CES2: variants seen among roughly 807,000 people sequenced by gnomAD.
CES2 encodes cocaine esterase.
Under a neutral mutation model 52.1 loss-of-function variants are expected in CES2, and 42 were observed. The observed-to-expected ratio is 0.81, with a 90% CI of 0.63 to 1.04. The LOEUF is 1.04. Ranked by LOEUF, CES2 falls within the 50% of genes least tolerant of loss-of-function variation. The pLI is 0.00. For synonymous variants in CES2, 277 were observed against 289.6 expected (o/e 0.96, Z 0.44); for missense variants, 656 against 724.3 (o/e 0.91, Z 1.08).
In CES2 at chr16:66,938,235, C is replaced by G. The variant is rs757548111; in HGVS notation, c.275C>G (p.Pro92Arg). ...GGTGTGAGGGATGGAACCACCCATC[C>G]GGCCATGTAAGCTCTCCAAGGGGTC... ...WSGVRDGTTH[P>R]AMCLQDLTAV... The change falls in exon 2 of 12, where the codon CCG becomes CGG. Residue 92 changes from proline (P) to arginine (R), a missense_variant. Pro to Arg is a moderately radical substitution (Grantham distance 103). Transcript: ENST00000317091. 6 of 1,612,900 alleles carry G rather than the reference C, an allele frequency of 3.7e-6. No homozygotes were observed. In the East Asian group the frequency reaches 1.3e-4, roughly 36 times the overall value.
intron 2 of CES2, 31 bp downstream of exon 2, chr16:66,938,272 AG>A: frequency 6.6e-7 from 1 of 1,521,114 alleles, no homozygotes; most frequent in Non-Finnish European, 9.1e-7. Flanking sequence ...AGGGAACTCC[AG>A]GCCCTGGGGC....
At chr16:66,938,297 C>T in intron 2 of CES2, 56 bp downstream of exon 2, 1 of 1,260,730 alleles carries the variant, frequency 7.9e-7, no homozygotes, top group Non-Finnish European at 1.2e-6. Flanking sequence ...GGTGGGGGTG[C>T]TCTGAGCTCA....
Position 66,939,324 on chromosome 16 carries a change from C to T in CES2, c.389C>T (p.Thr130Met), listed in dbSNP as rs372531792. ...GACTGCCTGTACCTCAGCATCTACACGCCGGCCCATAGCCATGAAGGCTCT... is the reference window on the plus strand; with the variant it reads ...GACTGCCTGTACCTCAGCATCTACATGCCGGCCCATAGCCATGAAGGCTCT... ...SEDCLYLSIY[T>M]PAHSHEGSNL... Residue 130 changes from threonine to methionine, a missense_variant, in exon 3 of 12, where the codon ACG becomes ATG. By Grantham distance (81) the Thr-to-Met change is moderately conservative. Coordinates refer to ENST00000317091, the MANE Select transcript of CES2 (RefSeq NM_001365405.1). 10 of 1,614,054 alleles carry T rather than the reference C, an allele frequency of 6.2e-6. No homozygotes were observed. The highest frequency in any genetic ancestry group is 2.2e-5 in the South Asian group (2 of 91,088).
Position 66,942,755 on chromosome 16 carries a change from G to C in CES2, c.1390G>C (p.Val464Leu). 1 of 1,614,230 alleles carries C rather than the reference G, an allele frequency of 6.2e-7. No individual in the cohort carries two copies. The highest frequency in any genetic ancestry group is 1.1e-5 in the South Asian group (1 of 91,088). ...AGACCATGGTGATGAGCTTCCTTTT[G>C]TTTTCAGAAGTTTCTTTGGGGGCAA... ...KADHGDELPF[V>L]FRSFFGGNYI... The change falls in exon 10 of 12, where the codon GTT (valine) becomes CTT (leucine). Residue 464 changes from valine (V) to leucine (L), a missense_variant. Coordinates refer to ENST00000317091, the MANE Select transcript of CES2 (RefSeq NM_001365405.1).
At chr16:66,941,031 ATTTGG>A in intron 5 of CES2, 88 bp from the exon 6 acceptor site, 2 of 1,548,620 alleles carry the variant, frequency 1.3e-6, no homozygotes, top group Non-Finnish European at 1.8e-6. Flanking sequence ...ACCCTCTGAG[ATTTGG>A]GGTACCCCTG....
chr16:66,940,884 G>T (rs995772532), intron 5 of CES2, among the ~76,000 whole-genome samples, 189 bp downstream of exon 5: 3 of 152,228 alleles, frequency 2.0e-5, no homozygotes, highest in Non-Finnish European at 4.4e-5. Context: ...GGCCGAGCTT[G>T]TTCTGTGGCT....
At chr16:66,934,909 G>A (rs1331767619), upstream of CES2, 2 of 159,816 alleles carry the variant, frequency 1.3e-5, no homozygotes, top group Non-Finnish European at 2.7e-5. The surrounding 1 kb of genome is among the most constrained non-coding windows in gnomAD (Gnocchi z 4.1). Flanking sequence ...TGGTCTCCGC[G>A]GGAGGTGAGG....
chr16:66,943,657 C>T lies in CES2; in HGVS notation c.1494-182C>T, dbSNP rs949745017. On this transcript the variant is annotated intron_variant, in intron 11 of 11. Transcript: ENST00000317091. The surrounding 1 kb of genome is among the most constrained non-coding windows in gnomAD (Gnocchi z 4.2). ...GAGCTGGCTGCCCTCCCCCAACCCC[C>T]ACTGGTGCTGACACTAGCCAGAGGG... is the stretch of plus-strand genomic sequence containing the variant. 1.2e-5 allele frequency: 7 copies of T among 590,220 alleles called. No homozygotes were observed. Among genetic ancestry groups the T allele is most frequent in the Admixed American group, 3.1e-5 (1 of 32,224 alleles). 36.6% of individuals were successfully genotyped at this position (590,220 alleles called of 1,614,324 possible). A position where few individuals can be genotyped will look rare whatever the true frequency, so the allele number is the denominator to read the frequency against.
intron 10 of CES2, 126 bp downstream of exon 10, chr16:66,942,911 A>G (rs1461842067): frequency 1.3e-6 from 2 of 1,492,270 alleles, no homozygotes; most frequent in Non-Finnish European, 1.8e-6. Context: ...TCAGGTGTCC[A>G]AGGTTTTATA....
At chr16:66,940,731 C>T in intron 5 of CES2, 36 bp downstream of exon 5, 2 of 1,600,636 alleles carry the variant, frequency 1.2e-6, no homozygotes, top group Non-Finnish European at 1.7e-6. Context: ...TAGGCCTGCT[C>T]CCTCCCCTCA....
chr16:66,942,658 C>T lies in CES2; in HGVS notation c.1293C>T (p.Ala431=), dbSNP rs773146365. 1.2e-6 allele frequency: 2 copies of T among 1,614,188 alleles called. No homozygotes were observed. Among genetic ancestry groups the T allele is most frequent in the Admixed American group, 1.7e-5 (1 of 60,024 alleles). Residue 431 remains alanine (A), a synonymous_variant, in exon 10 of 12, where the codon GCC becomes GCT. Coordinates refer to ENST00000317091, the MANE Select transcript of CES2 (RefSeq NM_001365405.1). ...CTGTCCACCCCACAGGTTCCCGGGC[C>T]CCTGTGTACTTCTACGAGTTCCAGC... ...LQVAHFQCSR[A]PVYFYEFQHQ...
Position 66,943,174 on chromosome 16 carries a change from G to A in CES2, c.1421-125G>A. The A allele has an allele frequency of 1.1e-6, 1 of 950,178 alleles. No homozygotes were observed. Among genetic ancestry groups the A allele is most frequent in the Non-Finnish European group, 1.6e-6 (1 of 624,568 alleles). 58.9% of individuals were successfully genotyped at this position (950,178 alleles called of 1,614,324 possible). A position where few individuals can be genotyped will look rare whatever the true frequency, so the allele number is the denominator to read the frequency against. ...AAAAGGGGAGGGCTGGCTTCTGAGG[G>A]CAGTGGAAGAAAAAGCGGAGAAGCA... On this transcript the variant is annotated intron_variant, in intron 10 of 11. Coordinates refer to ENST00000317091, the MANE Select transcript of CES2 (RefSeq NM_001365405.1). This position sits in a 1 kb window ranked among gnomAD's most constrained non-coding sequence, Gnocchi z 4.2.
At chr16:66,934,524 GGCCC>G, upstream of CES2, 1 of 1,143,324 alleles carries the variant, frequency 8.7e-7, no homozygotes, top group African/African-American at 1.6e-5. This position sits in a 1 kb window ranked among gnomAD's most constrained non-coding sequence, Gnocchi z 4.1. Context: ...CGGTGACCGC[GGCCC>G]TGGCTGCTCG....
chr16:66,940,082 C>T, intron 3 of CES2, 140 bp from the exon 4 acceptor site: 11 of 1,188,702 alleles, frequency 9.3e-6, no homozygotes, highest in Non-Finnish European at 1.2e-5. Flanking sequence ...GGGTGCCTAA[C>T]CATTTGCCCA....
At chr16:66,942,053 C>A in intron 8 of CES2, 52 bp from the exon 9 acceptor site, 1 of 1,570,874 alleles carries the variant, frequency 6.4e-7, no homozygotes, top group Non-Finnish European at 8.7e-7. Context: ...CCACCTCCTC[C>A]CTGCCCCTGG....
intron 1 of CES2, chr16:66,936,122 G>A: frequency 3.9e-6 from 3 of 763,648 alleles, no homozygotes; most frequent in Non-Finnish European, 5.2e-6. Flanking sequence ...AGTGTGTGGC[G>A]TCCTTGGCCA....
rs747951189 is a variant in CES2, at chr16:66,942,656, G to T, written c.1291G>T (p.Ala431Ser). 1.9e-6 allele frequency: 3 copies of T among 1,614,074 alleles called. No homozygotes were observed. In the African/African-American group the frequency reaches 4.0e-5, roughly 22 times the overall value. Reference sequence around the variant, plus strand: ...GGCTGTCCACCCCACAGGTTCCCGGGCCCCTGTGTACTTCTACGAGTTCCA... The same window carrying T: ...GGCTGTCCACCCCACAGGTTCCCGGTCCCCTGTGTACTTCTACGAGTTCCA... ...LQVAHFQCSR[A>S]PVYFYEFQHQ... is the part of the protein sequence containing the mutation. Residue 431 changes from alanine (A) to serine (S), a missense_variant, in exon 10 of 12, where the codon GCC becomes TCC. By Grantham distance (99) the Ala-to-Ser change is moderately conservative. Transcript: ENST00000317091.
At chr16:66,934,786 G>A (rs1346273187), upstream of CES2, 2 of 178,486 alleles carry the variant, frequency 1.1e-5, no homozygotes, top group East Asian at 3.3e-4. This position sits in a 1 kb window ranked among gnomAD's most constrained non-coding sequence, Gnocchi z 4.1. Flanking sequence ...GGACCTCCCG[G>A]TGACGCGCCT....
rs538182699 is a variant in CES2, at chr16:66,944,982, C to T, written c.*957C>T. ...CTCTTCTCTCGTCTGAGCCCCCAGG[C>T]CTTTTCCACTTTGAGGGAGGTGCTT... is the stretch of plus-strand genomic sequence containing the variant. On this transcript the variant is annotated 3_prime_UTR_variant, in exon 12 of 12. Coordinates refer to ENST00000317091, the MANE Select transcript of CES2 (RefSeq NM_001365405.1). 79 of 152,374 alleles carry T rather than the reference C, an allele frequency of 5.2e-4. 1 individual carries two copies. The highest frequency in any genetic ancestry group is 1.8e-3 in the African/African-American group (75 of 41,550). The allele number at this position is 152,374 out of a possible 1,614,324, so 9.4% of individuals were successfully genotyped here. A position where few individuals can be genotyped will look rare whatever the true frequency, so the allele number is the denominator to read the frequency against.
Sources: gnomAD v4.1 joint callset for allele counts (sites outside exome capture counted in the v4.1 genomes callset) on GRCh38, gnomAD v4.1.1 for gene constraint, Gnocchi (gnomAD v3.1) non-coding constraint, MANE v1.5 for transcripts, NCBI Gene and HGNC (gene_info 2026-07-23, HGNC 2026-07-21) for gene names.